CCDC18: variants seen among roughly 807,000 people sequenced by gnomAD.
CCDC18 encodes coiled-coil domain-containing protein 18.
Under a neutral mutation model 196.0 loss-of-function variants are expected in CCDC18, and 157 were observed. That is an observed-to-expected ratio of 0.80 (90% CI 0.70 to 0.91). The LOEUF (loss-of-function observed/expected upper bound fraction) is 0.91. CCDC18 is among the 40% of genes least tolerant of loss of function. The probability of loss-of-function intolerance (pLI) is 0.00; values close to 1 mark genes in which losing one functional copy is unlikely to be tolerated. For missense variants in CCDC18, 1,465 were observed against 1,611.6 expected (o/e 0.91, Z 1.56); for synonymous variants, 482 against 529.2 (o/e 0.91, Z 1.22).
intron 3 of CCDC18, 58 bp downstream of exon 3, chr1:93,184,204 TA>T (rs905787417): frequency 1.6e-5 from 16 of 987,208 alleles, no homozygotes; most frequent in East Asian, 1.0e-4. Flanking sequence ...CCTGTCTACT[TA>T]AAAAAAATTT....
At chr1:93,252,749 T>G (rs1037097821) in intron 23 of CCDC18, among the ~76,000 whole-genome samples, 18 of 152,236 alleles carry the variant, frequency 1.2e-4, no homozygotes, top group African/African-American at 4.3e-4. Flanking sequence ...TGGCTTAGTT[T>G]GTGCTTGTCC....
intron 26 of CCDC18, chr1:93,262,243 C>T (rs1037925564): frequency 2.0e-5 from 3 of 152,228 alleles, no homozygotes; most frequent in Admixed American, 2.0e-4. Flanking sequence ...TTGTCCTTCT[C>T]ACATTTCAAA....
At position 93,232,676 on chromosome 1, in the gene CCDC18, T is replaced by A. The variant is rs1386042413; in HGVS notation, c.2460+83T>A. 6.3e-6 allele frequency: 7 copies of A among 1,111,396 alleles called. No individual in the cohort carries two copies. In the East Asian group the frequency reaches 1.6e-4, roughly 25 times the overall value. The allele number at this position is 1,111,396 out of a possible 1,614,324, so 68.8% of individuals were successfully genotyped here. On this transcript the variant is annotated intron_variant, in intron 18 of 28. Transcript: ENST00000690025. ...ATGAATAGATTTTTCGTTAGTTTTT[T>A]AAATTGCTGTTTGGCCAGATGCCGT...
intron 23 of CCDC18, among the ~76,000 whole-genome samples, chr1:93,247,580 T>C (rs1661652350): frequency 6.6e-6 from 1 of 151,994 alleles, no homozygotes; most frequent in Admixed American, 6.6e-5. Flanking sequence ...CATGATTGGC[T>C]AATTTTTTAA....
At chr1:93,191,088 A>ATT (rs5776172) in intron 4 of CCDC18, 215 of 472,502 alleles carry the variant, frequency 4.6e-4, no homozygotes, top group Middle Eastern at 1.8e-3. Context: ...CAGCAAGGAG[A>ATT]TTTTTTTTTT....
rs764196121 is a variant in CCDC18, at chr1:93,217,788, T to G, written c.1881T>G (p.His627Gln). ...TAGAAACCAATATTAATACAGAGCA[T>G]GAGAAAATTTGTTTAGCCTTTGAAA... ...RSLETNINTE[H>Q]EKICLAFEKA... The change falls in exon 14 of 29, where the codon CAT becomes CAG. Residue 627 changes from histidine to glutamine, a missense_variant. By Grantham distance (24) the His-to-Gln change is conservative. Transcript: ENST00000690025. 1.2e-6 allele frequency: 2 copies of G among 1,609,332 alleles called. No individual in the cohort carries two copies. Among genetic ancestry groups the G allele is most frequent in the Non-Finnish European group, 1.7e-6 (2 of 1,175,758 alleles).
chr1:93,212,381 T>C, intron 11 of CCDC18, 120 bp downstream of exon 11: 1 of 552,730 alleles, frequency 1.8e-6, no homozygotes, highest in Non-Finnish European at 3.0e-6. Context: ...ATGTGCAGAT[T>C]TGTTACATAG....
At chr1:93,255,554 T>C (rs1662837592) in intron 24 of CCDC18, among the ~76,000 whole-genome samples, 3 of 152,088 alleles carry the variant, frequency 2.0e-5, no homozygotes, top group Admixed American at 2.0e-4. Context: ...ATCGTAGCAG[T>C]GGGACCCCTG....
intron 17 of CCDC18, among the ~76,000 whole-genome samples, chr1:93,230,097 T>C (rs1659001656): frequency 6.6e-6 from 1 of 151,988 alleles, no homozygotes; most frequent in East Asian, 1.9e-4. Context: ...ATCATCTAAA[T>C]TCTACTTTCT....
chr1:93,254,067 TAC>T (rs1662605271), intron 23 of CCDC18, among the ~76,000 whole-genome samples: 3 of 152,306 alleles, frequency 2.0e-5, no homozygotes, highest in South Asian at 2.1e-4. Context: ...TTTTGTAATT[TAC>T]AGACTTCTAT....
rs1306273655 is a variant in CCDC18 at position 93,270,737 on chromosome 1, G to A, written c.4276G>A (p.Gly1426Arg). The A allele has an allele frequency of 1.3e-6, 2 of 1,549,860 alleles. No homozygotes were observed. The highest frequency in any genetic ancestry group is 1.7e-6 in the Non-Finnish European group (2 of 1,146,752). Residue 1426 changes from glycine (G) to arginine (R), a missense_variant, in exon 28 of 29, where the codon GGG (glycine) becomes AGG (arginine). Physicochemically the swap from Gly to Arg is moderately radical, Grantham distance 125 (BLOSUM62 -2). Transcript: ENST00000690025. ...GAATAATGACTTTAACACGCTTAGT[G>A]GGATGCTAAGATACATAAACAAAGA... ...SENNDFNTLS[G>R]MLRYINKEVR...
Position 93,270,346 on chromosome 1 carries a change from G to A in CCDC18, c.3886-1G>A. 1 of 1,519,724 alleles carries A rather than the reference G, an allele frequency of 6.6e-7. No homozygotes were observed. The highest frequency in any genetic ancestry group is 2.5e-5 in the East Asian group (1 of 40,646). The allele number at this position is 1,519,724 out of a possible 1,614,324, so 94.1% of individuals were successfully genotyped here. On this transcript the variant is annotated splice_acceptor_variant, in intron 27 of 28. Coordinates refer to ENST00000690025, the MANE Select transcript of CCDC18 (RefSeq NM_001378204.1). LOFTEE classifies it high-confidence loss of function. ...CCTACTATGTACCAATTTATCTGCA[G>A]GAATCAGAATTAACCAGATTACAGG...
At chr1:93,218,345 A>G (rs1656834193) in intron 14 of CCDC18, among the ~76,000 whole-genome samples, 2 of 152,218 alleles carry the variant, frequency 1.3e-5, no homozygotes, top group East Asian at 1.9e-4. Flanking sequence ...ATTTTTTCCT[A>G]TACATACATA....
chr1:93,207,150 A>G lies in CCDC18; in HGVS notation c.961A>G (p.Ile321Val). 8 of 1,584,654 alleles carry G rather than the reference A, an allele frequency of 5.0e-6. No homozygotes were observed. Among genetic ancestry groups the G allele is most frequent in the Non-Finnish European group, 6.9e-6 (8 of 1,159,722 alleles). The change falls in exon 9 of 29, where the codon ATC becomes GTC. Residue 321 changes from isoleucine to valine, a missense_variant. Physicochemically the swap from Ile to Val is conservative, Grantham distance 29. Transcript: ENST00000690025. ...ENNNGKEKLR[I>V]MAVKNSEVMA... ...TAACAACGGAAAAGAAAAATTAAGG[A>G]TCATGGCAGTGAAAAATTCAGAAGT...
chr1:93,241,185 C>T (rs1378397964), intron 21 of CCDC18, among the ~76,000 whole-genome samples: 1 of 151,760 alleles, frequency 6.6e-6, no homozygotes, highest in Non-Finnish European at 1.5e-5. Flanking sequence ...GAACTCCTGA[C>T]CTCAGGTGAT....
chr1:93,181,154 A>G (rs1360303799), intron 1 of CCDC18, among the ~76,000 whole-genome samples: 2 of 96,156 alleles, frequency 2.1e-5, no homozygotes, highest in African/African-American at 9.2e-5. Flanking sequence ...CTGTCTCTAT[A>G]AAATTAAAAA....
intron 4 of CCDC18, among the ~76,000 whole-genome samples, chr1:93,189,222 T>G (rs147271462): frequency 2.0e-5 from 3 of 152,280 alleles, no homozygotes; most frequent in African/African-American, 7.2e-5. Flanking sequence ...TAAGAACATG[T>G]GATATTTGTC....
intron 6 of CCDC18, among the ~76,000 whole-genome samples, chr1:93,195,519 A>AT (rs1364239067): frequency 1.3e-5 from 2 of 152,170 alleles, no homozygotes; most frequent in Non-Finnish European, 2.9e-5. Context: ...TGTCCCCCCA[A>AT]TTTTTTGTAT....
intron 4 of CCDC18, among the ~76,000 whole-genome samples, chr1:93,188,575 A>G (rs900518590): frequency 8.5e-5 from 13 of 152,198 alleles, no homozygotes; most frequent in East Asian, 1.9e-4. Flanking sequence ...ACTCCCTTCT[A>G]TCTTCCAGTG....
Sources: gnomAD v4.1 joint callset for allele counts (sites outside exome capture counted in the v4.1 genomes callset) on GRCh38, gnomAD v4.1.1 for gene constraint, MANE v1.5 for transcripts, NCBI Gene and HGNC (gene_info 2026-07-23, HGNC 2026-07-21) for gene names.